WRAP73: variants seen among roughly 807,000 people sequenced by gnomAD.
WRAP73 encodes WD repeat-containing protein WRAP73.
WRAP73 carries 55 observed loss-of-function variants against 59.6 expected under a neutral mutation model. The observed-to-expected ratio is 0.92, with a 90% CI of 0.74 to 1.15. The LOEUF is 1.15. Among genes scored for constraint, WRAP73 ranks in the 50% most tolerant of loss-of-function variants. The probability of loss-of-function intolerance (pLI) is 0.00; values close to 1 mark genes in which losing one functional copy is unlikely to be tolerated. For missense variants in WRAP73, 592 were observed against 608.1 expected (o/e 0.97, Z 0.28); for synonymous variants, 265 against 258.2 (o/e 1.03, Z -0.25).
intron 3 of WRAP73, among the ~76,000 whole-genome samples, chr1:3,642,906 CA>C (rs1353131533): frequency 2.0e-5 from 3 of 151,846 alleles, no homozygotes; most frequent in Non-Finnish European, 4.4e-5. Flanking sequence ...TAGGGAAACG[CA>C]AACTAAATCC....
chr1:3,646,649 T>C lies in WRAP73; in HGVS notation c.339+17A>G, dbSNP rs751901171. 2 of 1,585,120 alleles carry C rather than the reference T, an allele frequency of 1.3e-6. No homozygotes were observed. Among genetic ancestry groups the C allele is most frequent in the South Asian group, 1.1e-5 (1 of 90,054 alleles). ...AGGATCACATGGCCAGTAAGGTGTC[T>C]TGGGGCTGACACTTACATGGAATTC... On this transcript the variant is annotated intron_variant, in intron 3 of 11. Transcript: ENST00000270708. This position sits in a 1 kb window ranked among gnomAD's most constrained non-coding sequence, Gnocchi z 5.1.
chr1:3,633,244 C>A, intron 9 of WRAP73, 154 bp downstream of exon 9: 1 of 735,746 alleles, frequency 1.4e-6, no homozygotes, highest in South Asian at 1.7e-5. Context: ...CCTAGTCAAC[C>A]TCCAGCCAAC....
intron 9 of WRAP73, chr1:3,632,901 T>C: frequency 4.7e-6 from 1 of 211,530 alleles, no homozygotes; most frequent in South Asian, 6.6e-5. Context: ...CACCGCTTCC[T>C]CTACCTGCAA....
rs942506693 is a variant in WRAP73, at chr1:3,649,965, A to C, written c.35T>G (p.Leu12Ter). 1.2e-6 allele frequency: 2 copies of C among 1,603,798 alleles called. No homozygotes were observed. The highest frequency in any genetic ancestry group is 3.4e-5 in the Admixed American group (2 of 59,194). ...NFSEVFKLSS[L>*]LCKFSPDGKY... Reference sequence around the variant, plus strand: ...GCCGTCCGGGGAGAACTTGCAGAGTAAGCTGGAGAGCTTGAATACCTCGGA... The same window carrying C: ...GCCGTCCGGGGAGAACTTGCAGAGTCAGCTGGAGAGCTTGAATACCTCGGA... The change falls in exon 1 of 12, where the codon TTA becomes TGA. Residue 12 changes from leucine (L) to a stop codon, truncating the protein, a stop_gained. Transcript: ENST00000270708. LOFTEE classifies it high-confidence loss of function.
At chr1:3,633,163 A>G in intron 9 of WRAP73, 1 of 490,452 alleles carries the variant, frequency 2.0e-6, no homozygotes, top group South Asian at 2.3e-5. Flanking sequence ...TCCCGCTGTC[A>G]GATCCGGGTC....
intron 3 of WRAP73, among the ~76,000 whole-genome samples, chr1:3,641,734 G>T (rs1456309739): frequency 2.6e-5 from 4 of 152,162 alleles, no homozygotes; most frequent in African/African-American, 7.2e-5. Context: ...CTTATAAATT[G>T]TTTTAATTGC....
intron 1 of WRAP73, among the ~76,000 whole-genome samples, 194 bp from the exon 2 acceptor site, chr1:3,647,754 G>A (rs943084918): frequency 6.6e-6 from 1 of 152,148 alleles, no homozygotes; most frequent in African/African-American, 2.4e-5. Flanking sequence ...AAATATACAA[G>A]CCAGGTTTTA....
chr1:3,645,096 T>G (rs1238305115), intron 3 of WRAP73, among the ~76,000 whole-genome samples: 1 of 152,200 alleles, frequency 6.6e-6, no homozygotes. Flanking sequence ...TAGCAGACAT[T>G]AGATTTGGAG....
At chr1:3,647,741 T>C (rs1644705502) in intron 1 of WRAP73, among the ~76,000 whole-genome samples, 181 bp from the exon 2 acceptor site, 1 of 152,256 alleles carries the variant, frequency 6.6e-6, no homozygotes, top group South Asian at 2.1e-4. Context: ...AAGGGTAATG[T>C]TGAAATATAC....
In WRAP73 at chr1:3,646,775, G is replaced by T; in HGVS notation, c.230C>A (p.Ser77Tyr). The T allele has an allele frequency of 6.2e-7, 1 of 1,611,880 alleles. No homozygotes were observed. The highest frequency in any genetic ancestry group is 8.5e-7 in the Non-Finnish European group (1 of 1,179,144). ...GCAGTGCCATTCGGGCTGCTCTAAA[G>T]ACCAGACCTGGATTGAGAGAAGAAA... Reference protein sequence around the residue: ...MYKRGLVQVWSLEQPEWHCKI... With the variant: ...MYKRGLVQVWYLEQPEWHCKI... The change falls in exon 3 of 12, where the codon TCT becomes TAT. Residue 77 changes from serine to tyrosine, a missense_variant. Physicochemically the swap from Ser to Tyr is moderately radical, Grantham distance 144. Coordinates refer to ENST00000270708, the MANE Select transcript of WRAP73 (RefSeq NM_017818.4). This position sits in a 1 kb window ranked among gnomAD's most constrained non-coding sequence, Gnocchi z 5.1.
At chr1:3,643,366 G>T (rs79572785) in intron 3 of WRAP73, among the ~76,000 whole-genome samples, 1 of 152,258 alleles carries the variant, frequency 6.6e-6, no homozygotes, top group Admixed American at 6.5e-5. Flanking sequence ...GCATTGCTAC[G>T]AGGAAGAGAA....
Position 3,635,154 on chromosome 1 carries a change from T to C in WRAP73, c.738+6A>G. ...GACTTCCTGAGTGCCCTGCACTGGT[T>C]CCCACCTTTCCATCATAGCTCCCAA... On this transcript the variant is annotated splice_donor_region_variant and intron_variant, in intron 7 of 11. Transcript: ENST00000270708. The C allele has an allele frequency of 6.2e-7, 1 of 1,614,094 alleles. No individual in the cohort carries two copies. Among genetic ancestry groups the C allele is most frequent in the Non-Finnish European group, 8.5e-7 (1 of 1,180,022 alleles).
At position 3,647,098 on chromosome 1, in the gene WRAP73, T is replaced by A. The variant is rs1010547723; in HGVS notation, c.222+310A>T. 32 of 449,450 alleles carry A rather than the reference T, an allele frequency of 7.1e-5. 1 individual carries two copies. Among genetic ancestry groups the A allele is most frequent in the Middle Eastern group, 5.5e-4 (1 of 1,806 alleles). The allele number at this position is 449,450 out of a possible 1,614,324, so 27.8% of individuals were successfully genotyped here. On this transcript the variant is annotated intron_variant, in intron 2 of 11. Transcript: ENST00000270708. ...TATTCACATTGTCATTCCTAAGACC[T>A]CATTTAGTTAAGCTTTGGACACAGA...
intron 9 of WRAP73, chr1:3,632,913 C>T (rs565427290): frequency 4.6e-5 from 10 of 216,210 alleles, no homozygotes; most frequent in African/African-American, 2.1e-4. Context: ...TACCTGCAAC[C>T]TTCAGATGCC....
intron 8 of WRAP73, chr1:3,634,636 C>T: frequency 3.3e-6 from 1 of 306,640 alleles, no homozygotes; most frequent in South Asian, 3.2e-5. Flanking sequence ...GGCTGCGGCC[C>T]AGAGCACAGT....
In WRAP73 at chr1:3,638,349, G is replaced by A. The variant is rs149482813; in HGVS notation, c.412+401C>T. Among the ~76,000 whole-genome samples, 247 of 152,176 alleles carry A rather than the reference G, an allele frequency of 1.6e-3. 1 individual carries two copies. Among genetic ancestry groups the A allele is most frequent in the African/African-American group, 5.8e-3 (239 of 41,466 alleles). On this transcript the variant is annotated intron_variant, in intron 4 of 11. Transcript: ENST00000270708. ...ATGACAGGCAAGACCTCCCCCTTTCGCAGACATCATATTTAGTCCACAGAA... is the reference window on the plus strand; with the variant it reads ...ATGACAGGCAAGACCTCCCCCTTTCACAGACATCATATTTAGTCCACAGAA...
At chr1:3,631,286 C>T in intron 11 of WRAP73, 169 bp from the exon 12 acceptor site, 1 of 1,339,608 alleles carries the variant, frequency 7.5e-7, no homozygotes, top group Non-Finnish European at 1.0e-6. Flanking sequence ...GCTTCTAGCC[C>T]ATAAAGCTGA....
At chr1:3,644,873 TACA>T (rs529058644) in intron 3 of WRAP73, among the ~76,000 whole-genome samples, 1 of 152,280 alleles carries the variant, frequency 6.6e-6, no homozygotes, top group African/African-American at 2.4e-5. Context: ...AATAAGATAA[TACA>T]ACAAGGCTGA....
chr1:3,645,675 T>A (rs970011036), intron 3 of WRAP73, among the ~76,000 whole-genome samples: 20 of 152,354 alleles, frequency 1.3e-4, no homozygotes, highest in Middle Eastern at 3.4e-3. Context: ...TTTTTCTGTA[T>A]CTTAAAAAGA....
Sources: gnomAD v4.1 joint callset for allele counts (sites outside exome capture counted in the v4.1 genomes callset) on GRCh38, gnomAD v4.1.1 for gene constraint, Gnocchi (gnomAD v3.1) non-coding constraint, MANE v1.5 for transcripts, NCBI Gene and HGNC (gene_info 2026-07-23, HGNC 2026-07-21) for gene names.